Variants in AKAP6 observed in about 807,000 individuals in gnomAD.
AKAP6 encodes the protein A-kinase anchoring protein 6, also known as A-kinase anchor protein 6.
AKAP6 carries 58 observed loss-of-function variants against 188.5 expected under a neutral mutation model. The observed-to-expected ratio is 0.31, with a 90% CI of 0.25 to 0.38. AKAP6 has a LOEUF of 0.38. AKAP6 is among the 10% of genes least tolerant of loss of function. The pLI is 1.00. For synonymous variants in AKAP6, 989 were observed against 998.6 expected, an observed-to-expected ratio of 0.99 and a Z score of 0.18; for missense variants, 2,710 against 2,740.0, an observed-to-expected ratio of 0.99 and a Z score of 0.24.
intron 9 of AKAP6, 116 bp from the exon 10 acceptor site, chr14:32,732,338 A>C: frequency 8.4e-7 from 1 of 1,188,348 alleles, no homozygotes; most frequent in Admixed American, 2.7e-5. Context: ...CCTCCCCATA[A>C]ATTTTATTGG....
At chr14:32,757,672 G>T (rs529021224) in intron 11 of AKAP6, among the ~76,000 whole-genome samples, 1 of 152,204 alleles carries the variant, frequency 6.6e-6, no homozygotes, top group African/African-American at 2.4e-5. Flanking sequence ...GGGCATGGTG[G>T]ATACTGTGGT....
At chr14:32,588,799 A>G (rs1165395153) in intron 5 of AKAP6, among the ~76,000 whole-genome samples, 1 of 152,194 alleles carries the variant, frequency 6.6e-6, no homozygotes, top group Non-Finnish European at 1.5e-5. Flanking sequence ...AAATTCTCAA[A>G]GATATATGCA....
rs779201441 is a variant in AKAP6 at position 32,778,539 on chromosome 14, G to T, written c.3588+4646G>T. 9.8e-4 allele frequency among the ~76,000 whole-genome samples: 148 copies of T among 151,612 alleles called. 1 individual carries two copies. Among genetic ancestry groups the T allele is most frequent in the Non-Finnish European group, 1.5e-3 (99 of 67,838 alleles). On this transcript the variant is annotated intron_variant, in intron 12 of 13. Transcript: ENST00000280979. ...GATAAGATAAAATATATGGTTTTGGGTTTTTTTTATTTGTTTGTATTTTTA... is the reference window on the plus strand; with the variant it reads ...GATAAGATAAAATATATGGTTTTGGTTTTTTTTTATTTGTTTGTATTTTTA...
rs528394184 is a variant in AKAP6, at chr14:32,357,323, A to G, written c.-35+27915A>G. Among the ~76,000 whole-genome samples the G allele has an allele frequency of 9.2e-5, 14 of 152,348 alleles. No individual in the cohort carries two copies. The East Asian group carries it at 2.7e-3, about 29-fold the overall frequency. On this transcript the variant is annotated intron_variant, in intron 1 of 13. Coordinates refer to ENST00000280979, the MANE Select transcript of AKAP6 (RefSeq NM_004274.5). ...CTAGGTCGAGGAACTGTTGCTGTGC[A>G]GGGAAAATGAAAATGTAGACATCTT...
chr14:32,749,970 G>T (rs2032062256), intron 11 of AKAP6, among the ~76,000 whole-genome samples: 1 of 152,100 alleles, frequency 6.6e-6, no homozygotes, highest in Non-Finnish European at 1.5e-5. Flanking sequence ...CTTACAAATT[G>T]CATTCTACCC....
chr14:32,631,128 T>G (rs1566615254), intron 7 of AKAP6, among the ~76,000 whole-genome samples: 1 of 152,072 alleles, frequency 6.6e-6, no homozygotes. Context: ...CATTTTGTTT[T>G]GTTTGAGAGA....
chr14:32,459,118 G>A (rs113730738), intron 2 of AKAP6, among the ~76,000 whole-genome samples: 86 of 152,150 alleles, frequency 5.7e-4, no homozygotes, highest in African/African-American at 1.7e-3. Flanking sequence ...GAAATAAGTC[G>A]GATATAAGAA....
chr14:32,407,613 G>A (rs1889339809), intron 1 of AKAP6, among the ~76,000 whole-genome samples: 1 of 152,186 alleles, frequency 6.6e-6, no homozygotes, highest in Admixed American at 6.5e-5. Flanking sequence ...CAGTTTCTCT[G>A]CTTCTTCCTT....
At chr14:32,659,123 T>C (rs1363636405) in intron 7 of AKAP6, among the ~76,000 whole-genome samples, 1 of 152,112 alleles carries the variant, frequency 6.6e-6, no homozygotes, top group Non-Finnish European at 1.5e-5. Flanking sequence ...AAAGTGGATA[T>C]GAGTGAACTT....
chr14:32,710,763 A>G (rs555132047), intron 9 of AKAP6, among the ~76,000 whole-genome samples: 1 of 152,218 alleles, frequency 6.6e-6, no homozygotes, highest in Non-Finnish European at 1.5e-5. Flanking sequence ...TTAGGATTCT[A>G]TGAAGTAATG....
chr14:32,804,137 A>G (rs1372680011), intron 12 of AKAP6, among the ~76,000 whole-genome samples: 1 of 152,218 alleles, frequency 6.6e-6, no homozygotes, highest in Non-Finnish European at 1.5e-5. Flanking sequence ...AATAAATGTT[A>G]GTTGTTATTC....
chr14:32,668,549 T>G (rs1183853993), intron 7 of AKAP6, among the ~76,000 whole-genome samples: 1 of 152,180 alleles, frequency 6.6e-6, no homozygotes, highest in East Asian at 1.9e-4. Context: ...TTGAATTTCC[T>G]AAACATTATA....
intron 4 of AKAP6, among the ~76,000 whole-genome samples, chr14:32,574,621 A>G (rs1159495118): frequency 6.6e-6 from 1 of 152,166 alleles, no homozygotes; most frequent in African/African-American, 2.4e-5. Context: ...GTCTTTCACT[A>G]TTTATCTTCT....
chr14:32,440,487 A>C (rs1890537657), intron 2 of AKAP6, among the ~76,000 whole-genome samples: 2 of 152,306 alleles, frequency 1.3e-5, no homozygotes, highest in African/African-American at 2.4e-5. Context: ...TAAAAAAAAA[A>C]ACTTGATTTA....
Position 32,433,460 on chromosome 14 carries a change from C to T in AKAP6, c.-34C>T. On this transcript the variant is annotated splice_region_variant and 5_prime_UTR_variant, in exon 2 of 14. Transcript: ENST00000280979. Reference sequence around the variant, plus strand: ...TTTCTTCTTTCCTCTTGCCTTTCAGCTGTTTTGGAAAGAAGTGAGGTTTAG... The same window carrying T: ...TTTCTTCTTTCCTCTTGCCTTTCAGTTGTTTTGGAAAGAAGTGAGGTTTAG... 6.3e-7 allele frequency: 1 copy of T among 1,578,102 alleles called. No homozygotes were observed.
At chr14:32,412,099 C>T (rs1245115821) in intron 1 of AKAP6, among the ~76,000 whole-genome samples, 1 of 152,126 alleles carries the variant, frequency 6.6e-6, no homozygotes, top group East Asian at 1.9e-4. Context: ...AAACATTTTC[C>T]AGTAGTTACT....
intron 7 of AKAP6, among the ~76,000 whole-genome samples, chr14:32,624,616 C>G (rs1886941273): frequency 6.6e-6 from 1 of 151,936 alleles, no homozygotes; most frequent in Admixed American, 6.6e-5. Context: ...ACAATTAAGG[C>G]CAGAAAAATA....
rs148686054 is a variant in AKAP6, at chr14:32,553,280, C to T, written c.2346+6281C>T. 3.3e-4 allele frequency among the ~76,000 whole-genome samples: 50 copies of T among 151,828 alleles called. No individual in the cohort carries two copies. The East Asian group carries it at 9.5e-3, about 29-fold the overall frequency. On this transcript the variant is annotated intron_variant, in intron 4 of 13. Coordinates refer to ENST00000280979, the MANE Select transcript of AKAP6 (RefSeq NM_004274.5). Reference sequence around the variant, plus strand: ...GGGTCTCCTGGGTTCAAGCCATTCTCCTGCCTCAGCCTCCCCAGTAGCTGG... The same window carrying T: ...GGGTCTCCTGGGTTCAAGCCATTCTTCTGCCTCAGCCTCCCCAGTAGCTGG...
intron 7 of AKAP6, among the ~76,000 whole-genome samples, chr14:32,620,319 G>A (rs1886764157): frequency 1.3e-5 from 2 of 151,912 alleles, no homozygotes; most frequent in Non-Finnish European, 2.9e-5. Context: ...TATGGCTTTT[G>A]TTATTCTGCG....
Sources: allele counts gnomAD v4.1 joint callset (sites outside exome capture counted in the v4.1 genomes callset), GRCh38; gene constraint gnomAD v4.1.1; transcripts MANE v1.5; gene names NCBI Gene and HGNC (gene_info 2026-07-23, HGNC 2026-07-21).